Variants in C10orf88 observed in about 807,000 individuals in gnomAD.
C10orf88 encodes the protein ATPase PAAT.
Under a neutral mutation model 34.2 loss-of-function variants are expected in C10orf88, and 29 were observed. The observed-to-expected ratio is 0.85, with a 90% confidence interval of 0.63 to 1.16. The LOEUF is 1.16. C10orf88 is among the 50% of genes most tolerant of loss of function. The pLI, the probability that C10orf88 is intolerant of heterozygous loss-of-function variation, is 0.00. For missense variants in C10orf88, 507 were observed against 533.2 expected (o/e 0.95, Z 0.48); for synonymous variants, 194 against 197.4 (o/e 0.98, Z 0.15).
intron 4 of C10orf88, among the ~76,000 whole-genome samples, chr10:122,943,744 C>T (rs1224817285): frequency 2.6e-5 from 4 of 152,080 alleles, no homozygotes; most frequent in African/African-American, 4.8e-5. Flanking sequence ...CAAAAGAAGA[C>T]ATTTATGCAG....
chr10:122,953,758 G>A (rs1848717252), intron 1 of C10orf88, among the ~76,000 whole-genome samples: 1 of 1,012 alleles, frequency 9.9e-4, no homozygotes, highest in African/African-American at 4.6e-3. Context: ...TATCACGCCT[G>A]ATGGGGACGT....
chr10:122,947,692 C>T lies in C10orf88; in HGVS notation c.648+957G>A, dbSNP rs188801934. Among the ~76,000 whole-genome samples the T allele has an allele frequency of 7.6e-4, 116 of 152,310 alleles. No individual in the cohort carries two copies. The Middle Eastern group carries it at 0.01, about 13-fold the overall frequency. On this transcript the variant is annotated intron_variant, in intron 4 of 5. Transcript: ENST00000481909. ...ATCCTTCCAGGGAATGTCTTATTCA[C>T]AGCTAAAAGTCAATGTTCCCAAAAT...
intron 5 of C10orf88, 28 bp downstream of exon 5, chr10:122,937,677 A>T (rs1226272835): frequency 6.6e-7 from 1 of 1,518,382 alleles, no homozygotes; most frequent in East Asian, 2.3e-5. Context: ...ACCAAATCGA[A>T]ACTCGTATGT....
intron 1 of C10orf88, among the ~76,000 whole-genome samples, chr10:122,953,444 A>T (rs537972247): frequency 6.6e-6 from 1 of 152,186 alleles, no homozygotes; most frequent in South Asian, 2.1e-4. Flanking sequence ...AGCATCCAAG[A>T]AGCGCTCAAC....
At chr10:122,943,219 G>T (rs1329931506) in intron 4 of C10orf88, among the ~76,000 whole-genome samples, 1 of 132,096 alleles carries the variant, frequency 7.6e-6, no homozygotes, top group Non-Finnish European at 1.6e-5. Context: ...AAATAACGCC[G>T]CATATCTACA....
At chr10:122,947,809 C>G (rs1848653355) in intron 4 of C10orf88, among the ~76,000 whole-genome samples, 1 of 152,160 alleles carries the variant, frequency 6.6e-6, no homozygotes, top group African/African-American at 2.4e-5. Context: ...TCATGTTTAA[C>G]TTGATTTTTC....
rs748424672 is a variant in C10orf88 at position 122,930,990 on chromosome 10, G to A, written c.*1437C>T. 2.0e-5 allele frequency: 3 copies of A among 152,040 alleles called. No homozygotes were observed. Among genetic ancestry groups the A allele is most frequent in the Non-Finnish European group, 4.4e-5 (3 of 68,038 alleles). The allele number at this position is 152,040 out of a possible 1,614,324, so 9.4% of individuals were successfully genotyped here. ...ACAAATCAACTTTTCAACTAATGAG[G>A]AGTGAGGGGGTTAAAATATAATTTT... On this transcript the variant is annotated 3_prime_UTR_variant, in exon 6 of 6. Transcript: ENST00000481909.
At chr10:122,941,942 T>C (rs1003113064) in intron 4 of C10orf88, among the ~76,000 whole-genome samples, 1 of 152,124 alleles carries the variant, frequency 6.6e-6, no homozygotes, top group African/African-American at 2.4e-5. Flanking sequence ...CACGCCAAAC[T>C]GTTAGCTGTG....
chr10:122,943,966 G>A (rs1012886065), intron 4 of C10orf88, among the ~76,000 whole-genome samples: 230 of 151,870 alleles, frequency 1.5e-3, no homozygotes, highest in Non-Finnish European at 2.2e-3. Context: ...AGTCAGTGTG[G>A]CGATTCCTCA....
chr10:122,943,000 T>C (rs1315937358), intron 4 of C10orf88, among the ~76,000 whole-genome samples: 1 of 151,332 alleles, frequency 6.6e-6, no homozygotes, highest in Non-Finnish European at 1.5e-5. Context: ...CCAATGACTT[T>C]CTTCACAGAA....
chr10:122,953,101 G>A (rs1848707972), intron 1 of C10orf88, 69 bp from the exon 2 acceptor site: 1 of 1,295,356 alleles, frequency 7.7e-7, no homozygotes, highest in South Asian at 1.3e-5. Context: ...TTTTTGAGAC[G>A]GAGTCTGGCT....
intron 1 of C10orf88, among the ~76,000 whole-genome samples, chr10:122,953,717 C>T (rs908960451): frequency 9.9e-5 from 15 of 152,168 alleles, no homozygotes; most frequent in African/African-American, 3.4e-4. Context: ...GGTAGAGGGG[C>T]GGACTGACTT....
At chr10:122,948,918 T>C in intron 3 of C10orf88, 63 bp from the exon 4 acceptor site, 1 of 1,418,438 alleles carries the variant, frequency 7.1e-7, no homozygotes, top group Non-Finnish European at 9.7e-7. Context: ...TTAATGTAAC[T>C]TCTTGGTATG....
Position 122,937,794 on chromosome 10 carries a change from T to C in C10orf88, c.1014A>G (p.Leu338=). ...NSELLPFLQN[L]CSQVNHLHVG... ...CATGGAGATGATTAACTTGACTACA[T>C]AAATTCTGGAGAAAAGGCAGCAACT... is the stretch of plus-strand genomic sequence containing the variant. The change falls in exon 5 of 6, where the codon TTA becomes TTG. Residue 338 remains leucine, a synonymous_variant. Transcript: ENST00000481909. 1 of 1,613,268 alleles carries C rather than the reference T, an allele frequency of 6.2e-7. No individual in the cohort carries two copies. Among genetic ancestry groups the C allele is most frequent in the South Asian group, 1.1e-5 (1 of 91,052 alleles).
intron 4 of C10orf88, among the ~76,000 whole-genome samples, chr10:122,946,807 CAG>C (rs1295385977): frequency 3.3e-5 from 5 of 151,916 alleles, no homozygotes; most frequent in South Asian, 2.1e-4. Flanking sequence ...AGAAGTATCA[CAG>C]GGAGGGAGTT....
Position 122,950,350 on chromosome 10 carries a change from C to A in C10orf88, c.442-1495G>T, listed in dbSNP as rs186999109. On this transcript the variant is annotated intron_variant, in intron 3 of 5. Transcript: ENST00000481909. ...CCATATACTATTGCCTCAGAACAAG[C>A]TTTCATATCAATCCTAGAGCTTCCC... Among the ~76,000 whole-genome samples the A allele has an allele frequency of 1.3e-3, 200 of 152,328 alleles. 1 individual carries two copies. Among genetic ancestry groups the A allele is most frequent in the African/African-American group, 4.4e-3 (185 of 41,576 alleles).
At chr10:122,949,253 C>A (rs965356793) in intron 3 of C10orf88, among the ~76,000 whole-genome samples, 6 of 152,008 alleles carry the variant, frequency 3.9e-5, no homozygotes, top group African/African-American at 1.4e-4. Flanking sequence ...ACATACATAC[C>A]TATGATAAAG....
intron 4 of C10orf88, among the ~76,000 whole-genome samples, chr10:122,943,107 T>A (rs1436703829): frequency 2.0e-4 from 31 of 151,612 alleles, no homozygotes; most frequent in Non-Finnish European, 3.5e-4. Flanking sequence ...GGCATCACAC[T>A]GCCTGACTTC....
chr10:122,935,422 A>G (rs1848525628), intron 5 of C10orf88, among the ~76,000 whole-genome samples: 1 of 151,992 alleles, frequency 6.6e-6, no homozygotes, highest in Non-Finnish European at 1.5e-5. Flanking sequence ...CCTGTATTGA[A>G]TTATTTTTGC....
Sources: allele counts gnomAD v4.1 joint callset (sites outside exome capture counted in the v4.1 genomes callset), GRCh38; gene constraint gnomAD v4.1.1; transcripts MANE v1.5; gene names NCBI Gene and HGNC (gene_info 2026-07-23, HGNC 2026-07-21).